The following TMEM131 variants were observed in gnomAD, a reference collection of about 807,000 sequenced individuals.
TMEM131 encodes transmembrane protein 131.
Under a neutral mutation model 211.6 loss-of-function variants are expected in TMEM131, and 66 were observed. That is an observed-to-expected ratio of 0.31 (90% CI 0.26 to 0.38). The LOEUF (loss-of-function observed/expected upper bound fraction) is 0.38. Among genes scored for constraint, TMEM131 ranks in the 10% least tolerant of loss-of-function variants. TMEM131 has a pLI of 1.00. For synonymous variants in TMEM131, 844 were observed against 841.3 expected (o/e 1.00, Z -0.06); for missense variants, 2,036 against 2,299.3 (o/e 0.89, Z 2.34).
intron 12 of TMEM131, among the ~76,000 whole-genome samples, chr2:97,815,911 T>A (rs1463926915): frequency 6.6e-6 from 1 of 152,092 alleles, no homozygotes; most frequent in Non-Finnish European, 1.5e-5. Context: ...ATAAGAAAAG[T>A]CAAGAATTCA....
chr2:97,760,397 C>T, intron 38 of TMEM131, 196 bp downstream of exon 38: 1 of 602,850 alleles, frequency 1.7e-6, no homozygotes, highest in South Asian at 2.0e-5. Flanking sequence ...TCTGGACCCC[C>T]TGGGGAAGGC....
chr2:97,918,123 T>C (rs1676588731), intron 2 of TMEM131, among the ~76,000 whole-genome samples: 1 of 152,088 alleles, frequency 6.6e-6, no homozygotes, highest in South Asian at 2.1e-4. Flanking sequence ...TTTGTATTTT[T>C]AGTAGAGACG....
chr2:97,993,449 A>G (rs1680347628), intron 1 of TMEM131, among the ~76,000 whole-genome samples: 1 of 152,232 alleles, frequency 6.6e-6, no homozygotes, highest in South Asian at 2.1e-4. Context: ...CTCAGAAACA[A>G]TACTGGAATA....
intron 1 of TMEM131, among the ~76,000 whole-genome samples, chr2:97,966,931 T>A (rs1033002659): frequency 2.0e-5 from 3 of 151,928 alleles, no homozygotes; most frequent in African/African-American, 7.3e-5. Context: ...ATGACAAGAC[T>A]AATCACTTAC....
chr2:97,990,923 G>C (rs1485281312), intron 1 of TMEM131, among the ~76,000 whole-genome samples: 4 of 152,026 alleles, frequency 2.6e-5, no homozygotes, highest in African/African-American at 9.7e-5. Flanking sequence ...TCCTAATAAA[G>C]GCTGTCAAAC....
intron 1 of TMEM131, among the ~76,000 whole-genome samples, chr2:97,979,734 C>G (rs1381865247): frequency 6.6e-6 from 1 of 152,184 alleles, no homozygotes; most frequent in Non-Finnish European, 1.5e-5. Flanking sequence ...AAGCTTACTC[C>G]TATCAGCAAT....
intron 10 of TMEM131, among the ~76,000 whole-genome samples, chr2:97,834,355 T>C (rs144091177): frequency 7.2e-5 from 11 of 152,304 alleles, no homozygotes; most frequent in African/African-American, 2.6e-4. Context: ...AGAAAACTAT[T>C]TTCTGCCTCA....
intron 4 of TMEM131, among the ~76,000 whole-genome samples, chr2:97,882,754 T>C (rs905080715): frequency 6.6e-6 from 1 of 152,218 alleles, no homozygotes; most frequent in Non-Finnish European, 1.5e-5. Context: ...AAAATCTGAC[T>C]GGTTCTGCCT....
At chr2:97,821,903 T>C (rs1483957026) in intron 11 of TMEM131, among the ~76,000 whole-genome samples, 1 of 152,160 alleles carries the variant, frequency 6.6e-6, no homozygotes, top group Non-Finnish European at 1.5e-5. Context: ...CCTGTACTTC[T>C]GGGCTGAGCT....
At chr2:97,824,284 G>A (rs1012804178) in intron 11 of TMEM131, among the ~76,000 whole-genome samples, 4 of 152,190 alleles carry the variant, frequency 2.6e-5, no homozygotes, top group Non-Finnish European at 4.4e-5. Flanking sequence ...AGGGTGCCCG[G>A]GGCAAGTGCC....
intron 11 of TMEM131, among the ~76,000 whole-genome samples, chr2:97,825,640 C>G (rs979875534): frequency 1.3e-5 from 2 of 152,204 alleles, no homozygotes; most frequent in Non-Finnish European, 2.9e-5. Flanking sequence ...CAGCTTTAAG[C>G]CTTCTCACAG....
intron 5 of TMEM131, among the ~76,000 whole-genome samples, chr2:97,851,710 C>T (rs1364680344): frequency 1.3e-5 from 2 of 152,152 alleles, no homozygotes; most frequent in African/African-American, 4.8e-5. Context: ...TTTTAGGGCA[C>T]CACAAATTAT....
intron 1 of TMEM131, among the ~76,000 whole-genome samples, chr2:97,952,375 T>C (rs1228008803): frequency 6.6e-6 from 1 of 152,100 alleles, no homozygotes; most frequent in Non-Finnish European, 1.5e-5. Flanking sequence ...GAATTCCAGA[T>C]AGGATAAACC....
intron 1 of TMEM131, among the ~76,000 whole-genome samples, chr2:97,947,762 G>C (rs1192800760): frequency 3.3e-5 from 5 of 152,084 alleles, no homozygotes; most frequent in African/African-American, 1.2e-4. Context: ...AGAAGAACAA[G>C]ATTGGAGGAC....
chr2:97,819,717 T>C lies in TMEM131; in HGVS notation c.1075-996A>G, dbSNP rs531852087. Among the ~76,000 whole-genome samples, 4 of 152,350 alleles carry C rather than the reference T, an allele frequency of 2.6e-5. 1 individual carries two copies. The South Asian group carries it at 6.2e-4, about 24-fold the overall frequency. On this transcript the variant is annotated intron_variant, in intron 11 of 40. Coordinates refer to ENST00000186436, the MANE Select transcript of TMEM131 (RefSeq NM_015348.2). Reference sequence around the variant, plus strand: ...GTATTTGTTGAATTATGAAGGGCTTTAAAAACTTGTCAAAGCCTGCTATTT... The same window carrying C: ...GTATTTGTTGAATTATGAAGGGCTTCAAAAACTTGTCAAAGCCTGCTATTT...
intron 35 of TMEM131, chr2:97,763,260 A>G (rs1267646667): frequency 6.6e-6 from 1 of 152,282 alleles, no homozygotes; most frequent in Non-Finnish European, 1.5e-5. Flanking sequence ...AAGGTTTCCC[A>G]TGTCTTGGCT....
rs540783419 is a variant in TMEM131 at position 97,782,081 on chromosome 2, G to C, written c.4145-6063C>G. On this transcript the variant is annotated intron_variant, in intron 31 of 40. Transcript: ENST00000186436. ...CTGAGCCTTTCATTCCAGACAGTCA[G>C]TAATGAACGCCCTTCCTGGCCAGGC... is the stretch of plus-strand genomic sequence containing the variant. 5.9e-5 allele frequency among the ~76,000 whole-genome samples: 9 copies of C among 152,354 alleles called. No homozygotes were observed. In the South Asian group the frequency reaches 1.9e-3, roughly 32 times the overall value.
At chr2:97,975,052 T>C (rs1679471620) in intron 1 of TMEM131, among the ~76,000 whole-genome samples, 1 of 152,146 alleles carries the variant, frequency 6.6e-6, no homozygotes, top group Admixed American at 6.5e-5. Context: ...ATAGCCTATA[T>C]TCAAAGTCAC....
Position 97,985,947 on chromosome 2 carries a change from TA to T in TMEM131, c.187+9528del, listed in dbSNP as rs775947154. Among the ~76,000 whole-genome samples the T allele has an allele frequency of 6.9e-3, 943 of 137,412 alleles. 7 individuals carry two copies. The highest frequency in any genetic ancestry group is 0.044 in the East Asian group (216 of 4,914). 90.1% of individuals were successfully genotyped at this position (137,412 alleles called of 152,430 possible). On this transcript the variant is annotated intron_variant, in intron 1 of 40. Coordinates refer to ENST00000186436, the MANE Select transcript of TMEM131 (RefSeq NM_015348.2). ...AGGTATCAGAAAGGCAGAAACCATT[TA>T]AAAAAAAAAAAGAGAGTTGCCTGAC...
Sources: allele counts gnomAD v4.1 joint callset (sites outside exome capture counted in the v4.1 genomes callset), GRCh38; gene constraint gnomAD v4.1.1; transcripts MANE v1.5; gene names NCBI Gene and HGNC (gene_info 2026-07-23, HGNC 2026-07-21).